BRD10: variants seen among roughly 807,000 people sequenced by gnomAD.
BRD10 encodes bromodomain containing 10, also known as uncharacterized bromodomain-containing protein 10.
At chr9:5,924,268 GTAA>G in the BRD10 span, among the ~76,000 whole-genome samples, 49 of 151,776 alleles carry the variant, frequency 3.2e-4, no homozygotes, top group African/African-American at 1.2e-3. Flanking sequence ...TCCTAGAAAT[GTAA>G]TAATGACTCC....
chr9:5,993,414 T>C, the BRD10 span, among the ~76,000 whole-genome samples: 1 of 151,238 alleles, frequency 6.6e-6, no homozygotes, highest in Non-Finnish European at 1.5e-5. Flanking sequence ...GCCCTAAGGG[T>C]CCTGGAAAGA....
chr9:5,879,509 G>A, the BRD10 span, among the ~76,000 whole-genome samples: 2 of 152,176 alleles, frequency 1.3e-5, no homozygotes, highest in Non-Finnish European at 2.9e-5. Flanking sequence ...CTAAAGGGCT[G>A]GTTGACCCAT....
At chr9:5,893,253 T>A in the BRD10 span, among the ~76,000 whole-genome samples, 1 of 152,150 alleles carries the variant, frequency 6.6e-6, no homozygotes, top group Non-Finnish European at 1.5e-5. Flanking sequence ...ATACTCTGTA[T>A]GTGCTGGGAG....
the BRD10 span, among the ~76,000 whole-genome samples, chr9:5,918,484 G>A: frequency 1.3e-5 from 2 of 152,178 alleles, no homozygotes; most frequent in African/African-American, 4.8e-5. Flanking sequence ...GGGAGGCCAA[G>A]GTAGGTGGAT....
At chr9:6,004,308 AG>A in the BRD10 span, among the ~76,000 whole-genome samples, 2 of 152,224 alleles carry the variant, frequency 1.3e-5, no homozygotes, top group Admixed American at 6.5e-5. Context: ...AAACCACTTA[AG>A]GGCAGGGAAC....
At chr9:5,896,623 C>T in the BRD10 span, among the ~76,000 whole-genome samples, 1 of 152,202 alleles carries the variant, frequency 6.6e-6, no homozygotes, top group African/African-American at 2.4e-5. Context: ...GAGTTGACAA[C>T]CACAGATAAC....
At chr9:6,005,237 G>A in the BRD10 span, among the ~76,000 whole-genome samples, 1 of 152,098 alleles carries the variant, frequency 6.6e-6, no homozygotes, top group African/African-American at 2.4e-5. Flanking sequence ...TAGGCCGGGC[G>A]CGGTGGCTAG....
chr9:5,981,704 A>C, the BRD10 span, among the ~76,000 whole-genome samples: 1 of 152,194 alleles, frequency 6.6e-6, no homozygotes, highest in Non-Finnish European at 1.5e-5. Context: ...TGTTTACTAT[A>C]GCATTCTATA....
the BRD10 span, among the ~76,000 whole-genome samples, chr9:5,899,524 T>C: frequency 6.6e-6 from 1 of 152,092 alleles, no homozygotes; most frequent in African/African-American, 2.4e-5. Flanking sequence ...GAGGAGTTGA[T>C]GAATCTGAAC....
chr9:5,985,810 G>C, the BRD10 span, among the ~76,000 whole-genome samples: 1 of 141,744 alleles, frequency 7.1e-6, no homozygotes, highest in South Asian at 2.3e-4. Context: ...AATAAATAAA[G>C]AATTCTTACA....
At chr9:5,882,696 C>A in the BRD10 span, among the ~76,000 whole-genome samples, 1 of 152,172 alleles carries the variant, frequency 6.6e-6, no homozygotes. Flanking sequence ...TTTAAAAACC[C>A]TTGTCTTCCT....
At chr9:5,920,926 T>C in the BRD10 span, 1 of 1,613,948 alleles carries the variant, frequency 6.2e-7, no homozygotes, top group Non-Finnish European at 8.5e-7. Context: ...TAGGCATAAT[T>C]CTTGAAGAGG....
At chr9:5,908,637 C>T in the BRD10 span, 33 of 1,613,646 alleles carry the variant, frequency 2.0e-5, no homozygotes. Flanking sequence ...CTTGTTCTCA[C>T]AGGTTCCCAA....
the BRD10 span, among the ~76,000 whole-genome samples, chr9:5,959,617 G>A: frequency 9.2e-5 from 14 of 152,188 alleles, 1 homozygote; most frequent in East Asian, 2.3e-3. Context: ...ATCTTCAGCT[G>A]GTATGCTAAA....
At chr9:5,921,034 T>C in the BRD10 span, 1 of 1,613,834 alleles carries the variant, frequency 6.2e-7, no homozygotes, top group African/African-American at 1.3e-5. Flanking sequence ...CTCCGGTAAC[T>C]GAAAGCACAT....
At chr9:5,959,374 T>A in the BRD10 span, among the ~76,000 whole-genome samples, 7,011 of 152,232 alleles carry the variant, frequency 0.046, 433 homozygotes, top group African/African-American at 0.14. Flanking sequence ...TAAATCTCCA[T>A]CTCAATTTTT....
At chr9:5,945,036 T>C in the BRD10 span, 4 of 588,872 alleles carry the variant, frequency 6.8e-6, no homozygotes, top group East Asian at 3.3e-5. Flanking sequence ...GAAGTTGTTT[T>C]AACACACACT....
the BRD10 span, among the ~76,000 whole-genome samples, chr9:5,993,599 G>A: frequency 6.6e-6 from 1 of 152,134 alleles, no homozygotes. Flanking sequence ...AATAGTTACT[G>A]GAACCCAGAG....
At chr9:5,921,075 C>T in the BRD10 span, 1 of 1,613,852 alleles carries the variant, frequency 6.2e-7, no homozygotes, top group Admixed American at 1.7e-5. Context: ...ACCACTGATT[C>T]ATTAACAGGG....
Sources: allele counts gnomAD v4.1 joint callset (sites outside exome capture counted in the v4.1 genomes callset), GRCh38; gene constraint gnomAD v4.1.1; transcripts MANE v1.5; gene names NCBI Gene and HGNC (gene_info 2026-07-23, HGNC 2026-07-21).